TSPEAR: variants seen among roughly 807,000 people sequenced by gnomAD.
The protein encoded by TSPEAR is thrombospondin-type laminin G domain and EAR repeat-containing protein.
A neutral mutation model predicts 71.6 loss-of-function variants in TSPEAR; 69 were observed. That is an observed-to-expected ratio of 0.96 (90% CI 0.79 to 1.18). The LOEUF (loss-of-function observed/expected upper bound fraction) is 1.18. Ranked by LOEUF, TSPEAR falls within the 50% of genes most tolerant of loss-of-function variation. TSPEAR has a pLI of 0.00. For missense variants in TSPEAR, 971 were observed against 894.9 expected (o/e 1.09, Z -1.09); for synonymous variants, 402 against 387.2 (o/e 1.04, Z -0.45).
At chr21:44,554,353 T>C (rs1031522872) in intron 2 of TSPEAR, among the ~76,000 whole-genome samples, 1 of 152,186 alleles carries the variant, frequency 6.6e-6, no homozygotes, top group Non-Finnish European at 1.5e-5. Context: ...AAGAAATGCC[T>C]GCTGCTCAAG....
At chr21:44,552,893 G>T (rs2146036730) in intron 2 of TSPEAR, among the ~76,000 whole-genome samples, 1 of 152,340 alleles carries the variant, frequency 6.6e-6, no homozygotes, top group Non-Finnish European at 1.5e-5. Context: ...TGAAGACTCA[G>T]CTCCCGACAA....
chr21:44,636,384 C>T (rs1255731780), intron 1 of TSPEAR, among the ~76,000 whole-genome samples: 1 of 152,204 alleles, frequency 6.6e-6, no homozygotes, highest in Non-Finnish European at 1.5e-5. Flanking sequence ...ACTGTCATGG[C>T]AGGGGTACAG....
chr21:44,561,373 A>G (rs1003290135), intron 2 of TSPEAR, among the ~76,000 whole-genome samples: 2 of 152,242 alleles, frequency 1.3e-5, no homozygotes, highest in African/African-American at 2.4e-5. Flanking sequence ...CCGGGACCAG[A>G]TGGATTCACA....
At chr21:44,513,323 C>T (rs1290285990) in intron 9 of TSPEAR, among the ~76,000 whole-genome samples, 5 of 152,208 alleles carry the variant, frequency 3.3e-5, no homozygotes, top group East Asian at 1.9e-4. Flanking sequence ...AGGTGCCCCC[C>T]AGGGGCTGTG....
chr21:44,705,977 C>T (rs926509850), intron 1 of TSPEAR, among the ~76,000 whole-genome samples: 5 of 152,146 alleles, frequency 3.3e-5, no homozygotes, highest in Admixed American at 2.0e-4. Context: ...CTCCCCCGGA[C>T]GCCCAGCTTT....
chr21:44,648,602 AACAGGGGAGCCTAAGGC>A (rs1555940749), intron 1 of TSPEAR, among the ~76,000 whole-genome samples: 1 of 152,226 alleles, frequency 6.6e-6, no homozygotes, highest in East Asian at 1.9e-4. Context: ...TAACCAAAGG[AACAGGGGAGCCTAAGGC>A]ACAGGGGAGT....
intron 1 of TSPEAR, among the ~76,000 whole-genome samples, chr21:44,685,826 G>C (rs1257535575): frequency 6.6e-6 from 1 of 152,136 alleles, no homozygotes; most frequent in Admixed American, 6.5e-5. Flanking sequence ...GTGCAGACAC[G>C]CACCCATTGT....
Position 44,627,328 on chromosome 21 carries a change from G to A in TSPEAR, c.83-59323C>T, listed in dbSNP as rs1555934605. On this transcript the variant is annotated intron_variant, in intron 1 of 11. Coordinates refer to ENST00000323084, the MANE Select transcript of TSPEAR (RefSeq NM_144991.3). ...CCTGGTCTGCACCCCAGTGAGCCGT[G>A]TATCCAGCCCCTGCTGCCAGGTGAC... is the stretch of plus-strand genomic sequence containing the variant. 3 of 1,612,948 alleles carry A rather than the reference G, an allele frequency of 1.9e-6. No individual in the cohort carries two copies. The African/African-American group carries it at 4.0e-5, about 22-fold the overall frequency.
chr21:44,550,602 G>C (rs587707666), intron 2 of TSPEAR: 239 of 1,552,680 alleles, frequency 1.5e-4, no homozygotes, highest in Middle Eastern at 1.2e-3. Flanking sequence ...CTTCTGTGCT[G>C]AGCTGTGCTG....
At chr21:44,553,723 C>T (rs2053482641) in intron 2 of TSPEAR, among the ~76,000 whole-genome samples, 1 of 91,670 alleles carries the variant, frequency 1.1e-5, no homozygotes, top group African/African-American at 4.8e-5. Context: ...AATCAGGCCA[C>T]CTAGACATGC....
chr21:44,648,910 G>T (rs1358123720), intron 1 of TSPEAR, among the ~76,000 whole-genome samples: 1 of 152,254 alleles, frequency 6.6e-6, no homozygotes, highest in Non-Finnish European at 1.5e-5. Flanking sequence ...AGAAACTAGG[G>T]CTGCAGTGGC....
At chr21:44,701,894 T>C (rs1987666307) in intron 1 of TSPEAR, among the ~76,000 whole-genome samples, 1 of 152,168 alleles carries the variant, frequency 6.6e-6, no homozygotes, top group Non-Finnish European at 1.5e-5. Flanking sequence ...GCTGCAATTC[T>C]GTGTCTTTCG....
intron 1 of TSPEAR, among the ~76,000 whole-genome samples, chr21:44,613,312 A>G (rs1434557370): frequency 3.9e-5 from 6 of 152,200 alleles, no homozygotes; most frequent in African/African-American, 1.4e-4. Flanking sequence ...AGAAGTCACA[A>G]GGGACAGTGG....
intron 2 of TSPEAR, among the ~76,000 whole-genome samples, chr21:44,547,264 C>G (rs2053316918): frequency 6.6e-6 from 1 of 152,040 alleles, no homozygotes; most frequent in Non-Finnish European, 1.5e-5. Context: ...TTGATATTCT[C>G]TATTTGGTGA....
rs114859219 is a variant in TSPEAR at position 44,529,239 on chromosome 21, A to G, written c.790+559T>C. Among the ~76,000 whole-genome samples, 768 of 152,164 alleles carry G rather than the reference A, an allele frequency of 5.0e-3. 5 individuals are homozygous for G. Among genetic ancestry groups the G allele is most frequent in the African/African-American group, 0.017 (710 of 41,514 alleles). On this transcript the variant is annotated intron_variant, in intron 5 of 11. Coordinates refer to ENST00000323084, the MANE Select transcript of TSPEAR (RefSeq NM_144991.3). ...CAGTGGGGATGCGGCGGGGAGGGGC[A>G]TTTCAGATTCTCCATGGCAGGAGTG...
intron 1 of TSPEAR, chr21:44,574,308 A>G: frequency 2.5e-6 from 4 of 1,607,232 alleles, no homozygotes; most frequent in Non-Finnish European, 3.4e-6. Flanking sequence ...CTGTGTGTCC[A>G]GCCCCTGCTG....
At chr21:44,580,655 G>A in intron 1 of TSPEAR, 1 of 1,430,998 alleles carries the variant, frequency 7.0e-7, no homozygotes, top group Middle Eastern at 2.4e-4. Context: ...GAAGGAGGGA[G>A]TGAGTGAGTG....
chr21:44,595,561 G>A (rs782744656), intron 1 of TSPEAR, among the ~76,000 whole-genome samples: 38 of 152,162 alleles, frequency 2.5e-4, no homozygotes, highest in Non-Finnish European at 2.5e-4. Context: ...TCTGTAAGAC[G>A]TGCTGGAGCC....
intron 8 of TSPEAR, among the ~76,000 whole-genome samples, chr21:44,524,344 T>G (rs2052802870): frequency 6.6e-6 from 1 of 151,752 alleles, no homozygotes; most frequent in Admixed American, 6.5e-5. Context: ...GTAAGTCAGT[T>G]AATGAGTTAG....
Sources: gnomAD v4.1 joint callset for allele counts (sites outside exome capture counted in the v4.1 genomes callset) on GRCh38, gnomAD v4.1.1 for gene constraint, MANE v1.5 for transcripts, NCBI Gene and HGNC (gene_info 2026-07-23, HGNC 2026-07-21) for gene names.